The following PXDNL variants were observed in gnomAD, a reference collection of about 807,000 sequenced individuals.
The protein encoded by PXDNL is probable oxidoreductase PXDNL.
PXDNL carries 145 observed loss-of-function variants against 150.8 expected under a neutral mutation model. The ratio of observed to expected loss-of-function variants is 0.96; its 90% CI spans 0.84 to 1.10. The LOEUF (loss-of-function observed/expected upper bound fraction) is 1.10, where lower values mean the gene tolerates loss of function less well. PXDNL is among the 50% of genes least tolerant of loss of function. PXDNL has a pLI of 0.00. For synonymous variants in PXDNL, 757 were observed against 725.7 expected (o/e 1.04, Z -0.69); for missense variants, 2,087 against 1,873.9 (o/e 1.11, Z -2.10).
intron 1 of PXDNL, among the ~76,000 whole-genome samples, chr8:51,701,460 G>A (rs1816256776): frequency 6.6e-6 from 1 of 152,050 alleles, no homozygotes. Flanking sequence ...CATAGAGGAG[G>A]GTGAGTTAGA....
intron 1 of PXDNL, among the ~76,000 whole-genome samples, chr8:51,696,072 T>C (rs1340986421): frequency 1.3e-5 from 2 of 152,224 alleles, no homozygotes; most frequent in Non-Finnish European, 2.9e-5. Context: ...CATTTCACCC[T>C]GATCTACTTT....
chr8:51,795,478 C>T (rs993350017), intron 1 of PXDNL, among the ~76,000 whole-genome samples: 1 of 152,144 alleles, frequency 6.6e-6, no homozygotes, highest in Non-Finnish European at 1.5e-5. Context: ...AATTAGAACT[C>T]AAGATAAAGA....
chr8:51,330,254 A>G (rs1805642779), intron 21 of PXDNL, among the ~76,000 whole-genome samples: 1 of 152,234 alleles, frequency 6.6e-6, no homozygotes. Flanking sequence ...CATAAAATTA[A>G]CTATCACACT....
chr8:51,621,776 C>T (rs1030321492), intron 2 of PXDNL, among the ~76,000 whole-genome samples: 5 of 151,554 alleles, frequency 3.3e-5, no homozygotes, highest in Non-Finnish European at 5.9e-5. Flanking sequence ...CTTGTCTCTA[C>T]AAAAAATACA....
chr8:51,382,770 G>A (rs528534582), intron 17 of PXDNL, among the ~76,000 whole-genome samples: 1 of 152,166 alleles, frequency 6.6e-6, no homozygotes, highest in South Asian at 2.1e-4. Context: ...AATAATAATG[G>A]AAATCAGAAA....
intron 2 of PXDNL, among the ~76,000 whole-genome samples, chr8:51,627,355 T>C (rs1385366882): frequency 6.6e-6 from 1 of 152,190 alleles, no homozygotes; most frequent in Non-Finnish European, 1.5e-5. Flanking sequence ...TTTAATTATT[T>C]GTATATGATC....
chr8:51,720,762 G>A (rs191595121), intron 1 of PXDNL, among the ~76,000 whole-genome samples: 3 of 152,202 alleles, frequency 2.0e-5, no homozygotes, highest in Non-Finnish European at 4.4e-5. Flanking sequence ...GCAGAATAAA[G>A]AGCATATTCA....
intron 8 of PXDNL, among the ~76,000 whole-genome samples, chr8:51,464,232 C>T (rs1810152972): frequency 6.6e-6 from 1 of 152,006 alleles, no homozygotes; most frequent in Admixed American, 6.6e-5. Flanking sequence ...GGTGTGCTGG[C>T]ATGTGCCTGT....
At chr8:51,338,044 T>C (rs1475722959) in intron 21 of PXDNL, among the ~76,000 whole-genome samples, 1 of 151,580 alleles carries the variant, frequency 6.6e-6, no homozygotes, top group Non-Finnish European at 1.5e-5. Context: ...TCAGGTGCAG[T>C]GGTGGACACC....
intron 1 of PXDNL, among the ~76,000 whole-genome samples, chr8:51,747,428 T>G (rs1435703146): frequency 6.6e-6 from 1 of 152,242 alleles, no homozygotes; most frequent in African/African-American, 2.4e-5. Context: ...AAGTATGAGT[T>G]AATCTACTCA....
intron 3 of PXDNL, among the ~76,000 whole-genome samples, chr8:51,585,675 C>T (rs1813307801): frequency 6.6e-6 from 1 of 152,100 alleles, no homozygotes; most frequent in Non-Finnish European, 1.5e-5. Context: ...AAGCTTGGCA[C>T]ACAAACCCTC....
At chr8:51,349,568 G>A (rs568487885) in intron 19 of PXDNL, among the ~76,000 whole-genome samples, 11 of 152,292 alleles carry the variant, frequency 7.2e-5, no homozygotes, top group East Asian at 1.9e-4. Flanking sequence ...CCTACCTACC[G>A]GTTAATCCTC....
chr8:51,413,903 C>A (rs1808720876), intron 14 of PXDNL, among the ~76,000 whole-genome samples: 1 of 151,992 alleles, frequency 6.6e-6, no homozygotes, highest in Non-Finnish European at 1.5e-5. Context: ...TGAATATTTA[C>A]AGTTCATATC....
intron 2 of PXDNL, among the ~76,000 whole-genome samples, chr8:51,618,079 T>C (rs142036085): frequency 1.3e-5 from 2 of 152,352 alleles, no homozygotes; most frequent in African/African-American, 4.8e-5. Context: ...GGTGAGTCAT[T>C]GTGCAACAAA....
chr8:51,528,702 G>A (rs1373426362), intron 4 of PXDNL, among the ~76,000 whole-genome samples: 1 of 152,196 alleles, frequency 6.6e-6, no homozygotes, highest in Non-Finnish European at 1.5e-5. Flanking sequence ...CAGAGGAAAA[G>A]GGCAGAGACT....
chr8:51,367,726 G>GA (rs965237586), intron 19 of PXDNL, among the ~76,000 whole-genome samples: 8 of 151,850 alleles, frequency 5.3e-5, no homozygotes, highest in East Asian at 1.9e-4. Flanking sequence ...GGAAATTTAT[G>GA]AAAAAAAATG....
intron 21 of PXDNL, among the ~76,000 whole-genome samples, chr8:51,322,784 C>T (rs1395405977): frequency 1.3e-5 from 2 of 152,148 alleles, no homozygotes; most frequent in Non-Finnish European, 2.9e-5. Flanking sequence ...CTTTTCACTG[C>T]TTTTGTATTG....
rs1308895638 is a variant in PXDNL at position 51,577,992 on chromosome 8, A to G, written c.308+14635T>C. Among the ~76,000 whole-genome samples, 79 of 58,564 alleles carry G rather than the reference A, an allele frequency of 1.3e-3. 1 individual carries two copies. The highest frequency in any genetic ancestry group is 2.9e-3 in the South Asian group (5 of 1,734). 38.4% of individuals were successfully genotyped at this position (58,564 alleles called of 152,430 possible). A position where few individuals can be genotyped will look rare whatever the true frequency, so the allele number is the denominator to read the frequency against. On this transcript the variant is annotated intron_variant, in intron 3 of 22. Coordinates refer to ENST00000356297, the MANE Select transcript of PXDNL (RefSeq NM_144651.5). ...GAAAGAAAGAAAGAAAGAAAGAAAG[A>G]AAGAAAGAGGAAGGAAGGAAGGAAG...
At chr8:51,403,698 G>T (rs2130871208) in intron 17 of PXDNL, among the ~76,000 whole-genome samples, 1 of 152,278 alleles carries the variant, frequency 6.6e-6, no homozygotes, top group South Asian at 2.1e-4. Flanking sequence ...CTTTAGGATT[G>T]GGTTTCCGCA....
Sources: allele counts gnomAD v4.1 joint callset (sites outside exome capture counted in the v4.1 genomes callset), GRCh38; gene constraint gnomAD v4.1.1; transcripts MANE v1.5; gene names NCBI Gene and HGNC (gene_info 2026-07-23, HGNC 2026-07-21).